Variants in C4orf51 observed in about 807,000 individuals in gnomAD.
C4orf51 encodes chromosome 4 open reading frame 51.
In C4orf51, 25 loss-of-function variants were observed where a neutral mutation model predicts 25.2. That is an observed-to-expected ratio of 0.99 (90% CI 0.72 to 1.39). The LOEUF (loss-of-function observed/expected upper bound fraction) is 1.39, where lower values mean the gene tolerates loss of function less well. C4orf51 is among the 40% of genes most tolerant of loss of function. C4orf51 has a pLI of 0.00. For missense variants in C4orf51, 252 were observed against 239.6 expected (o/e 1.05, Z -0.34); for synonymous variants, 100 against 84.5 (o/e 1.18, Z -1.01).
downstream of C4orf51, among the ~76,000 whole-genome samples, chr4:145,737,610 A>G (rs1732873935): frequency 6.6e-6 from 1 of 152,062 alleles, no homozygotes; most frequent in Non-Finnish European, 1.5e-5. Context: ...TATGTCTGAG[A>G]AGATATTTTG....
At chr4:145,690,175 C>A (rs750406375) in intron 1 of C4orf51, among the ~76,000 whole-genome samples, 25 of 145,822 alleles carry the variant, frequency 1.7e-4, no homozygotes, top group Non-Finnish European at 3.5e-4. Context: ...CCATCACACT[C>A]CAGCTTGGGC....
At chr4:145,696,700 C>CTT in intron 2 of C4orf51, 68 bp downstream of exon 2, 4 of 1,164,194 alleles carry the variant, frequency 3.4e-6, no homozygotes, top group Non-Finnish European at 3.7e-6. Flanking sequence ...CTTTCAGGTT[C>CTT]TTTTTTTTTC....
At chr4:145,755,657 C>T (rs755146621), downstream of C4orf51, among the ~76,000 whole-genome samples, 11 of 152,192 alleles carry the variant, frequency 7.2e-5, no homozygotes, top group Admixed American at 3.9e-4. Context: ...CAGGGAAAAA[C>T]GGGGTGCCCC....
intron 2 of C4orf51, among the ~76,000 whole-genome samples, chr4:145,697,329 A>T (rs548292694): frequency 6.6e-6 from 1 of 152,094 alleles, no homozygotes; most frequent in African/African-American, 2.4e-5. Context: ...CAAACTCCTG[A>T]CCTTGTGATC....
downstream of C4orf51, chr4:145,775,798 T>C: frequency 6.2e-7 from 1 of 1,614,136 alleles, no homozygotes; most frequent in Middle Eastern, 1.6e-4. Context: ...CCTGTAATAA[T>C]AAGGATGTTT....
Position 145,762,955 on chromosome 4 carries a change from G to A in C4orf51, n.167-8033G>A, listed in dbSNP as rs1238571278. ...AGAGCCCAACACAACCAAGTGCACC[G>A]TGCACGGCCTCCTCAGCGCCAAGCT... On this transcript the variant is annotated intron_variant and non_coding_transcript_variant, in intron 1 of 1. Transcript: ENST00000510096. This position sits in a 1 kb window ranked among gnomAD's most constrained non-coding sequence, Gnocchi z 4.9. The A allele has an allele frequency of 4.0e-5, 32 of 800,000 alleles. No individual in the cohort carries two copies. The highest frequency in any genetic ancestry group is 5.2e-5 in the African/African-American group (3 of 57,912). The allele number at this position is 800,000 out of a possible 1,614,324, so 49.6% of individuals were successfully genotyped here.
intron 3 of C4orf51, among the ~76,000 whole-genome samples, chr4:145,728,053 C>T (rs1006672792): frequency 1.1e-4 from 16 of 140,106 alleles, no homozygotes; most frequent in Admixed American, 7.7e-5. Flanking sequence ...TATATACACA[C>T]ACACACACAC....
intron 1 of C4orf51, among the ~76,000 whole-genome samples, chr4:145,695,169 T>C (rs1204136013): frequency 1.3e-5 from 2 of 152,264 alleles, no homozygotes; most frequent in African/African-American, 4.8e-5. Flanking sequence ...TCATACTGCT[T>C]TCCACAGTGG....
downstream of C4orf51, among the ~76,000 whole-genome samples, chr4:145,735,573 C>A (rs1348889761): frequency 1.3e-5 from 2 of 152,120 alleles, no homozygotes; most frequent in African/African-American, 2.4e-5. Context: ...GATAGGGCTT[C>A]TTCTGGTTTC....
chr4:145,736,533 T>G (rs1019235887), downstream of C4orf51, among the ~76,000 whole-genome samples: 1 of 152,162 alleles, frequency 6.6e-6, no homozygotes, highest in Non-Finnish European at 1.5e-5. Flanking sequence ...CCATCAGCTG[T>G]GGAGCAGGGA....
chr4:145,749,278 G>T (rs924549901), intron 1 of C4orf51, among the ~76,000 whole-genome samples: 1 of 151,820 alleles, frequency 6.6e-6, no homozygotes, highest in African/African-American at 2.4e-5. Flanking sequence ...GTCTATGCTT[G>T]TCTTCATAGG....
chr4:145,715,198 G>C (rs1731343254), intron 2 of C4orf51, among the ~76,000 whole-genome samples: 1 of 152,192 alleles, frequency 6.6e-6, no homozygotes, highest in Non-Finnish European at 1.5e-5. Context: ...ATCCCAAGCA[G>C]CTCATGGGTG....
At chr4:145,722,250 C>T (rs1167876009) in intron 2 of C4orf51, among the ~76,000 whole-genome samples, 1 of 152,192 alleles carries the variant, frequency 6.6e-6, no homozygotes, top group Non-Finnish European at 1.5e-5. Flanking sequence ...TGCCACATTT[C>T]CTAACATTTG....
At chr4:145,776,112 TAA>T in the C4orf51 span, 1 of 852,248 alleles carries the variant, frequency 1.2e-6, no homozygotes, top group South Asian at 1.8e-5. Flanking sequence ...TGTAAGTATC[TAA>T]AAGTCTTTAC....
chr4:145,686,287 G>A (rs1308049260), intron 1 of C4orf51, among the ~76,000 whole-genome samples: 1 of 152,132 alleles, frequency 6.6e-6, no homozygotes, highest in African/African-American at 2.4e-5. Flanking sequence ...TGAATATAGA[G>A]TTTTTGTTTG....
At chr4:145,756,075 C>T (rs1733927769), downstream of C4orf51, among the ~76,000 whole-genome samples, 1 of 152,192 alleles carries the variant, frequency 6.6e-6, no homozygotes, top group Non-Finnish European at 1.5e-5. Flanking sequence ...GATGTGTCTT[C>T]CCCTTCAAAT....
At chr4:145,733,689 T>C (rs1178267866), downstream of C4orf51, among the ~76,000 whole-genome samples, 1 of 152,200 alleles carries the variant, frequency 6.6e-6, no homozygotes, top group Non-Finnish European at 1.5e-5. Flanking sequence ...TTTTGTCTCT[T>C]AGCCCTAGGT....
chr4:145,779,751 A>T, the C4orf51 span, among the ~76,000 whole-genome samples: 1 of 152,176 alleles, frequency 6.6e-6, no homozygotes, highest in Non-Finnish European at 1.5e-5. Flanking sequence ...CTCTTTCTTC[A>T]CTAAAGACCA....
At chr4:145,720,517 T>C (rs1381249640) in intron 2 of C4orf51, among the ~76,000 whole-genome samples, 1 of 152,202 alleles carries the variant, frequency 6.6e-6, no homozygotes, top group African/African-American at 2.4e-5. Flanking sequence ...TCGGCTGAGC[T>C]GTTGCTAGCT....
Sources: gnomAD v4.1 joint callset for allele counts (sites outside exome capture counted in the v4.1 genomes callset) on GRCh38, gnomAD v4.1.1 for gene constraint, Gnocchi (gnomAD v3.1) non-coding constraint, MANE v1.5 for transcripts, NCBI Gene and HGNC (gene_info 2026-07-23, HGNC 2026-07-21) for gene names.